NRP1: variants seen among roughly 807,000 people sequenced by gnomAD.
NRP1 encodes neuropilin-1.
Under a neutral mutation model 106.7 loss-of-function variants are expected in NRP1, and 35 were observed. The ratio of observed to expected loss-of-function variants is 0.33; its 90% CI spans 0.25 to 0.43. The LOEUF (loss-of-function observed/expected upper bound fraction) is 0.43, where lower values mean the gene tolerates loss of function less well. NRP1 is among the 20% of genes least tolerant of loss of function. NRP1 has a pLI of 1.00. For synonymous variants in NRP1, 437 were observed against 417.9 expected, an observed-to-expected ratio of 1.05 and a Z score of -0.56; for missense variants, 1,024 against 1,170.4, an observed-to-expected ratio of 0.87 and a Z score of 1.83.
At chr10:33,324,137 A>C (rs144534453) in intron 2 of NRP1, among the ~76,000 whole-genome samples, 1,897 of 152,332 alleles carry the variant, frequency 0.012, 24 homozygotes, top group Admixed American at 0.029. Context: ...AGGGATAATA[A>C]AGAAAATTAA....
intron 9 of NRP1, among the ~76,000 whole-genome samples, chr10:33,208,425 C>CA (rs1325724648): frequency 6.6e-6 from 1 of 152,210 alleles, no homozygotes; most frequent in Non-Finnish European, 1.5e-5. Flanking sequence ...CTTGGCCACC[C>CA]ACTGCCAGTG....
chr10:33,223,764 G>A (rs1441815521), intron 7 of NRP1, among the ~76,000 whole-genome samples: 1 of 152,152 alleles, frequency 6.6e-6, no homozygotes, highest in Admixed American at 6.6e-5. Context: ...CAATCTGTGT[G>A]GGAGCATTTT....
intron 6 of NRP1, among the ~76,000 whole-genome samples, chr10:33,247,489 G>C (rs562499851): frequency 1.3e-5 from 2 of 152,218 alleles, no homozygotes; most frequent in South Asian, 4.1e-4. Flanking sequence ...GAAGTGTATG[G>C]ATGGGAAACC....
Position 33,223,817 on chromosome 10 carries a change from C to T in NRP1, c.1138-1954G>A, listed in dbSNP as rs377003037. On this transcript the variant is annotated intron_variant, in intron 7 of 16. Coordinates refer to ENST00000374867, the MANE Select transcript of NRP1 (RefSeq NM_003873.7). ...TGGGCAGCTGCCAGGGAAGGAGGGC[C>T]GCCAATGATGGTGCTCTCCTTATGG... is the stretch of plus-strand genomic sequence containing the variant. Among the ~76,000 whole-genome samples, 22 of 152,228 alleles carry T rather than the reference C, an allele frequency of 1.4e-4. 1 individual carries two copies. In the South Asian group the frequency reaches 3.7e-3, roughly 26 times the overall value.
intron 2 of NRP1, among the ~76,000 whole-genome samples, chr10:33,303,200 G>A (rs1436046553): frequency 6.6e-6 from 1 of 152,198 alleles, no homozygotes; most frequent in East Asian, 1.9e-4. Flanking sequence ...TAAACTGGGT[G>A]AGTAGATCAA....
At chr10:33,326,499 A>G (rs1847898414) in intron 2 of NRP1, among the ~76,000 whole-genome samples, 1 of 152,188 alleles carries the variant, frequency 6.6e-6, no homozygotes, top group South Asian at 2.1e-4. Flanking sequence ...CGGTCAGAGC[A>G]TTCTCTAGAA....
At chr10:33,225,011 T>C (rs1301903638) in intron 7 of NRP1, among the ~76,000 whole-genome samples, 1 of 152,168 alleles carries the variant, frequency 6.6e-6, no homozygotes, top group Non-Finnish European at 1.5e-5. Context: ...TCATGAAACT[T>C]GGGGTCAAAA....
intron 6 of NRP1, among the ~76,000 whole-genome samples, chr10:33,245,996 G>T (rs2133108650): frequency 6.6e-6 from 1 of 152,170 alleles, no homozygotes; most frequent in African/African-American, 2.4e-5. Context: ...AAATCTAAGA[G>T]GCTTTTTCAA....
chr10:33,274,660 C>T (rs1233946813), intron 2 of NRP1, among the ~76,000 whole-genome samples: 1 of 152,134 alleles, frequency 6.6e-6, no homozygotes, highest in Non-Finnish European at 1.5e-5. Flanking sequence ...GAAGCTAATC[C>T]TCCACAGGGT....
intron 2 of NRP1, chr10:33,288,351 TCATAGG>T (rs1296735532): frequency 2.0e-5 from 3 of 152,166 alleles, no homozygotes; most frequent in Non-Finnish European, 4.4e-5. Flanking sequence ...CAGTGGCTAT[TCATAGG>T]CACAATCCCA....
intron 2 of NRP1, among the ~76,000 whole-genome samples, chr10:33,276,233 T>C (rs983681184): frequency 6.6e-6 from 1 of 152,202 alleles, no homozygotes; most frequent in Non-Finnish European, 1.5e-5. Context: ...AACAAATCAA[T>C]ACCTGTTTGC....
intron 2 of NRP1, among the ~76,000 whole-genome samples, chr10:33,301,812 A>T (rs558437949): frequency 3.0e-4 from 46 of 152,354 alleles, no homozygotes; most frequent in Non-Finnish European, 4.9e-4. Context: ...TTCGTTTTTT[A>T]AAAAGTTCAC....
intron 2 of NRP1, among the ~76,000 whole-genome samples, chr10:33,312,664 T>C (rs1390442713): frequency 4.6e-5 from 7 of 152,234 alleles, no homozygotes; most frequent in Non-Finnish European, 8.8e-5. Flanking sequence ...ATTTTTACAA[T>C]GGCATCTGAA....
At chr10:33,251,894 A>T (rs1318125869) in intron 6 of NRP1, among the ~76,000 whole-genome samples, 1 of 152,060 alleles carries the variant, frequency 6.6e-6, no homozygotes, top group Non-Finnish European at 1.5e-5. Context: ...ATGGTACAGA[A>T]GGGGGAAGGG....
At chr10:33,318,777 A>G (rs917799163) in intron 2 of NRP1, among the ~76,000 whole-genome samples, 7 of 145,914 alleles carry the variant, frequency 4.8e-5, no homozygotes, top group Admixed American at 4.7e-4. Flanking sequence ...TTGGTGGCCA[A>G]AACCACGATA....
intron 6 of NRP1, 152 bp from the exon 7 acceptor site, chr10:33,226,441 C>T (rs145840306): frequency 1.6e-5 from 11 of 701,208 alleles, no homozygotes; most frequent in Non-Finnish European, 2.3e-5. Flanking sequence ...TGACTCCTCC[C>T]TTCCATTCCT....
At chr10:33,185,440 G>A (rs992450859) in intron 15 of NRP1, among the ~76,000 whole-genome samples, 188 bp downstream of exon 15, 1 of 152,212 alleles carries the variant, frequency 6.6e-6, no homozygotes, top group Admixed American at 6.5e-5. Context: ...TAGGGTAGGT[G>A]ACGGGGCAGA....
rs1235145790 is a variant in NRP1, at chr10:33,185,711, C to T, written c.2348G>A (p.Gly783Asp). 1 of 1,613,828 alleles carries T rather than the reference C, an allele frequency of 6.2e-7. No homozygotes were observed. The highest frequency in any genetic ancestry group is 8.5e-7 in the Non-Finnish European group (1 of 1,179,730). ...ACCAAGGTTTCCTTTTCCGATTTCG[C>T]CCTCGAAAATCACCTAACAAAATAA... is the stretch of plus-strand genomic sequence containing the variant. Reference protein sequence around the residue: ...SLKLYQVIFEGEIGKGNLGGI... With the variant: ...SLKLYQVIFEDEIGKGNLGGI... The change falls in exon 15 of 17, where the codon GGC becomes GAC. Residue 783 changes from glycine (G) to aspartate (D), a missense_variant. This residue lies in a region of NRP1 where 13 missense variants were observed against 34.7 expected (regional missense o/e 0.38). Coordinates refer to ENST00000374867, the MANE Select transcript of NRP1 (RefSeq NM_003873.7).
intron 2 of NRP1, among the ~76,000 whole-genome samples, chr10:33,313,722 A>T (rs1410572624): frequency 6.6e-6 from 1 of 152,122 alleles, no homozygotes. Flanking sequence ...TCAGGATCAC[A>T]ATGAGTACCT....
Sources: allele counts gnomAD v4.1 joint callset (sites outside exome capture counted in the v4.1 genomes callset), GRCh38; gene constraint gnomAD v4.1.1; regional missense constraint gnomAD v4.1.1; transcripts MANE v1.5; gene names NCBI Gene and HGNC (gene_info 2026-07-23, HGNC 2026-07-21).